AHCYL2: variants seen among roughly 807,000 people sequenced by gnomAD.
AHCYL2 encodes adenosylhomocysteinase like 2.
Under a neutral mutation model 81.4 loss-of-function variants are expected in AHCYL2, and 28 were observed. That is an observed-to-expected ratio of 0.34 (90% CI 0.25 to 0.47). The LOEUF is 0.47. AHCYL2 is among the 20% of genes least tolerant of loss of function. AHCYL2 has a pLI of 1.00. For missense variants in AHCYL2, 551 were observed against 785.1 expected (o/e 0.70, Z 3.56); for synonymous variants, 272 against 290.2 (o/e 0.94, Z 0.64).
At chr7:129,236,182 C>T (rs954184349) in intron 1 of AHCYL2, among the ~76,000 whole-genome samples, 8 of 151,592 alleles carry the variant, frequency 5.3e-5, no homozygotes, top group African/African-American at 1.9e-4. Context: ...GCTGCCACGC[C>T]CAGCTAATTT....
At chr7:129,240,933 TAG>T (rs1301497770) in intron 1 of AHCYL2, among the ~76,000 whole-genome samples, 1 of 152,104 alleles carries the variant, frequency 6.6e-6, no homozygotes, top group Non-Finnish European at 1.5e-5. Flanking sequence ...TAGGTTTGCG[TAG>T]AGAGCTTGAT....
intron 1 of AHCYL2, among the ~76,000 whole-genome samples, chr7:129,264,976 C>T (rs1338911801): frequency 6.6e-6 from 1 of 152,096 alleles, no homozygotes; most frequent in South Asian, 2.1e-4. Flanking sequence ...ACATTTTTTA[C>T]AGAATTTATG....
At chr7:129,257,723 A>G (rs1795476039) in intron 1 of AHCYL2, among the ~76,000 whole-genome samples, 1 of 152,166 alleles carries the variant, frequency 6.6e-6, no homozygotes, top group Admixed American at 6.5e-5. Flanking sequence ...TTTGTTGTCC[A>G]TACCCTTTCC....
intron 1 of AHCYL2, among the ~76,000 whole-genome samples, chr7:129,344,301 A>G (rs1385070834): frequency 6.6e-6 from 1 of 152,222 alleles, no homozygotes. Context: ...ACAAGTGTCC[A>G]TGACAGTTTG....
intron 1 of AHCYL2, among the ~76,000 whole-genome samples, chr7:129,376,772 A>G (rs1305134248): frequency 1.3e-5 from 2 of 152,194 alleles, no homozygotes; most frequent in African/African-American, 4.8e-5. Context: ...AACACGGTTT[A>G]TCTATTCTTC....
intron 1 of AHCYL2, among the ~76,000 whole-genome samples, chr7:129,246,133 A>T (rs1447175676): frequency 6.6e-6 from 1 of 150,590 alleles, no homozygotes; most frequent in African/African-American, 2.4e-5. Context: ...ATCTTGGCTC[A>T]CTGCAACCTC....
intron 1 of AHCYL2, among the ~76,000 whole-genome samples, chr7:129,371,127 T>A (rs112789208): frequency 4.8e-4 from 73 of 152,306 alleles, no homozygotes; most frequent in African/African-American, 1.7e-3. Flanking sequence ...CCAGCTCCCA[T>A]GTTGGGCCAA....
At chr7:129,343,590 A>G (rs1793262165) in intron 1 of AHCYL2, among the ~76,000 whole-genome samples, 1 of 152,154 alleles carries the variant, frequency 6.6e-6, no homozygotes, top group East Asian at 1.9e-4. Flanking sequence ...TGTGGGGAAA[A>G]ATTTTTCTTT....
chr7:129,345,820 A>T (rs1261676912), intron 1 of AHCYL2, among the ~76,000 whole-genome samples: 2 of 152,202 alleles, frequency 1.3e-5, no homozygotes, highest in South Asian at 2.1e-4. Context: ...AGTGACTTCC[A>T]GGTTTCCGAA....
chr7:129,409,253 G>A (rs1383402882), intron 10 of AHCYL2, among the ~76,000 whole-genome samples: 1 of 152,202 alleles, frequency 6.6e-6, no homozygotes. Context: ...TCTCATGGTA[G>A]CCCCTGGCTC....
At position 129,429,342 on chromosome 7, in the gene AHCYL2, T is replaced by C. The variant is rs1157337661; in HGVS notation, c.*2297T>C. Reference sequence around the variant, plus strand: ...TATCTTAGGGTTGAAATCTGGTCATTATTCCCTCTACCCTTGGAATCAGAG... The same window carrying C: ...TATCTTAGGGTTGAAATCTGGTCATCATTCCCTCTACCCTTGGAATCAGAG... On this transcript the variant is annotated 3_prime_UTR_variant, in exon 17 of 17. Coordinates refer to ENST00000325006, the MANE Select transcript of AHCYL2 (RefSeq NM_015328.4). 2 of 152,200 alleles carry C rather than the reference T, an allele frequency of 1.3e-5. No individual in the cohort carries two copies. The highest frequency in any genetic ancestry group is 2.4e-5 in the African/African-American group (1 of 41,444). The allele number at this position is 152,200 out of a possible 1,614,324, so 9.4% of individuals were successfully genotyped here.
intron 1 of AHCYL2, among the ~76,000 whole-genome samples, chr7:129,349,509 G>C (rs373899895): frequency 1.0e-4 from 15 of 150,050 alleles, no homozygotes; most frequent in Non-Finnish European, 4.4e-5. Flanking sequence ...TTAGCCAGGC[G>C]TGGTGGCACA....
chr7:129,295,168 G>A lies in AHCYL2; in HGVS notation c.363+69729G>A, dbSNP rs73722932. On this transcript the variant is annotated intron_variant, in intron 1 of 16. Coordinates refer to ENST00000325006, the MANE Select transcript of AHCYL2 (RefSeq NM_015328.4). ...TCTCCTTGACCTCTTTCTCTGAAAGGGAATTTGATTAGGCAAGCTGGTTTC... is the reference window on the plus strand; with the variant it reads ...TCTCCTTGACCTCTTTCTCTGAAAGAGAATTTGATTAGGCAAGCTGGTTTC... Among the ~76,000 whole-genome samples the A allele has an allele frequency of 3.4e-3, 517 of 152,306 alleles. 1 individual carries two copies. The highest frequency in any genetic ancestry group is 0.012 in the African/African-American group (500 of 41,564).
At chr7:129,245,149 C>T (rs1326942751) in intron 1 of AHCYL2, among the ~76,000 whole-genome samples, 3 of 151,776 alleles carry the variant, frequency 2.0e-5, no homozygotes, top group Admixed American at 6.6e-5. Context: ...TTCAGCCTCC[C>T]GAGTACCTGG....
At chr7:129,333,926 T>G (rs886719843) in intron 1 of AHCYL2, among the ~76,000 whole-genome samples, 1 of 152,226 alleles carries the variant, frequency 6.6e-6, no homozygotes, top group African/African-American at 2.4e-5. Context: ...TATACACATA[T>G]GAGTAATGCA....
At chr7:129,348,420 G>T (rs570375590) in intron 1 of AHCYL2, among the ~76,000 whole-genome samples, 86 of 149,232 alleles carry the variant, frequency 5.8e-4, no homozygotes, top group African/African-American at 2.1e-3. Context: ...ACACATACAT[G>T]CTTTTATGAA....
chr7:129,357,086 C>A (rs1793758602), intron 1 of AHCYL2, among the ~76,000 whole-genome samples: 1 of 152,114 alleles, frequency 6.6e-6, no homozygotes, highest in South Asian at 2.1e-4. Context: ...GGGATTCAGT[C>A]AGTTACATTT....
intron 1 of AHCYL2, among the ~76,000 whole-genome samples, chr7:129,367,812 T>C (rs1327296191): frequency 1.3e-5 from 2 of 152,220 alleles, no homozygotes; most frequent in African/African-American, 2.4e-5. Flanking sequence ...TAAGAAATTC[T>C]GATTTTGAAA....
chr7:129,413,293 C>T (rs865969850), intron 11 of AHCYL2, among the ~76,000 whole-genome samples: 28 of 152,212 alleles, frequency 1.8e-4, no homozygotes, highest in Middle Eastern at 3.4e-3. Context: ...AGGCACCCGC[C>T]ACCACACCCA....
Sources: gnomAD v4.1 joint callset for allele counts (sites outside exome capture counted in the v4.1 genomes callset) on GRCh38, gnomAD v4.1.1 for gene constraint, MANE v1.5 for transcripts, NCBI Gene and HGNC (gene_info 2026-07-23, HGNC 2026-07-21) for gene names.